The following CUBN variants were observed in gnomAD, a reference collection of about 807,000 sequenced individuals.
CUBN encodes cubilin, also known as 460 kDa receptor.
In CUBN, 282 loss-of-function variants were observed where a neutral mutation model predicts 405.3. The observed-to-expected ratio is 0.70, with a 90% confidence interval of 0.63 to 0.77. CUBN has a LOEUF of 0.77. Ranked by LOEUF, CUBN falls within the 30% of genes least tolerant of loss-of-function variation. The pLI is 0.00. For missense variants in CUBN, 4,514 were observed against 4,475.2 expected (o/e 1.01, Z -0.25); for synonymous variants, 1,684 against 1,617.0 (o/e 1.04, Z -0.99).
chr10:16,855,722 T>C (rs149583052), intron 59 of CUBN, among the ~76,000 whole-genome samples: 106 of 152,272 alleles, frequency 7.0e-4, no homozygotes, highest in African/African-American at 2.4e-3. Flanking sequence ...GTTTGAGCTA[T>C]CAAACTATAA....
intron 54 of CUBN, among the ~76,000 whole-genome samples, chr10:16,890,742 G>C (rs1310698810): frequency 6.6e-6 from 1 of 152,114 alleles, no homozygotes; most frequent in Non-Finnish European, 1.5e-5. Flanking sequence ...CTAAGGAGAT[G>C]GTGTTCCTTT....
At chr10:16,841,093 T>A in intron 60 of CUBN, 46 bp from the exon 61 acceptor site, 1 of 1,592,056 alleles carries the variant, frequency 6.3e-7, no homozygotes, top group Non-Finnish European at 8.6e-7. Flanking sequence ...TTACAAAAAA[T>A]TGCATATTTC....
At chr10:16,895,825 T>C (rs1841165081) in intron 54 of CUBN, among the ~76,000 whole-genome samples, 1 of 152,240 alleles carries the variant, frequency 6.6e-6, no homozygotes, top group South Asian at 2.1e-4. Context: ...ATGTTTTGGC[T>C]TGATAACCTG....
chr10:16,845,227 G>A (rs1237348665), intron 60 of CUBN, among the ~76,000 whole-genome samples: 1 of 152,182 alleles, frequency 6.6e-6, no homozygotes, highest in African/African-American at 2.4e-5. Flanking sequence ...AAGGGCAATA[G>A]ACTTTGATAT....
chr10:16,914,529 A>G (rs1841827053), intron 47 of CUBN, among the ~76,000 whole-genome samples: 1 of 152,128 alleles, frequency 6.6e-6, no homozygotes, highest in Non-Finnish European at 1.5e-5. Context: ...ACTGCCCTCC[A>G]GCCTGGACAA....
chr10:16,977,627 C>A (rs771339702), intron 31 of CUBN, among the ~76,000 whole-genome samples: 13 of 152,290 alleles, frequency 8.5e-5, no homozygotes, highest in Non-Finnish European at 1.8e-4. Flanking sequence ...TTCCTGGACA[C>A]CAAACAAGAA....
chr10:16,864,100 T>C (rs1236806863), intron 59 of CUBN, among the ~76,000 whole-genome samples: 1 of 152,234 alleles, frequency 6.6e-6, no homozygotes, highest in African/African-American at 2.4e-5. Context: ...TATATCTCAT[T>C]ATAAAATATG....
chr10:17,017,572 A>G (rs1352124465), intron 28 of CUBN, among the ~76,000 whole-genome samples: 1 of 152,198 alleles, frequency 6.6e-6, no homozygotes, highest in Non-Finnish European at 1.5e-5. Context: ...TTATATGAAT[A>G]GGAAGGATAC....
At chr10:16,992,850 A>G in intron 28 of CUBN, among the ~76,000 whole-genome samples, 1 of 152,248 alleles carries the variant, frequency 6.6e-6, no homozygotes, top group East Asian at 1.9e-4. Flanking sequence ...GACATTGTTT[A>G]GAGACTATGA....
intron 59 of CUBN, among the ~76,000 whole-genome samples, chr10:16,853,543 G>T (rs1297050623): frequency 6.6e-6 from 1 of 152,166 alleles, no homozygotes; most frequent in Admixed American, 6.5e-5. Context: ...TTACTTAGTA[G>T]GTCAGGCTTG....
intron 52 of CUBN, 57 bp from the exon 53 acceptor site, chr10:16,900,907 T>A: frequency 1.7e-6 from 2 of 1,144,400 alleles, no homozygotes; most frequent in Non-Finnish European, 2.6e-6. Flanking sequence ...GTTACGAAGA[T>A]AAGGCCCTTA....
At chr10:17,128,647 T>C (rs1168791546) in intron 2 of CUBN, among the ~76,000 whole-genome samples, 1 of 152,184 alleles carries the variant, frequency 6.6e-6, no homozygotes, top group East Asian at 1.9e-4. Context: ...TTCTATCTTT[T>C]AGCATACTCC....
chr10:16,841,910 CAAAA>C (rs11354893), intron 60 of CUBN, among the ~76,000 whole-genome samples: 1 of 93,716 alleles, frequency 1.1e-5, no homozygotes, highest in Non-Finnish European at 2.0e-5. Flanking sequence ...AAGACTGTCT[CAAAA>C]AAAAAAAAAA....
chr10:16,981,178 G>GACACACACACACACACACACACACAC (rs1401865880), intron 31 of CUBN, among the ~76,000 whole-genome samples: 4,762 of 145,218 alleles, frequency 0.033, 144 homozygotes, highest in Non-Finnish European at 0.05. Context: ...AGACTCAGCA[G>GACACACACACACACACACACACACAC]ACACACACAC....
chr10:17,069,907 CTTTTTTT>C (rs1396120269), intron 19 of CUBN, among the ~76,000 whole-genome samples: 1 of 151,868 alleles, frequency 6.6e-6, no homozygotes, highest in Admixed American at 6.6e-5. Context: ...TTTCTTTTTT[CTTTTTTT>C]GTTTGTACTT....
chr10:17,010,461 C>A (rs567253503), intron 28 of CUBN, among the ~76,000 whole-genome samples: 4 of 151,042 alleles, frequency 2.6e-5, no homozygotes, highest in Non-Finnish European at 4.4e-5. Context: ...GGCAACATAG[C>A]AAGACCTCAA....
intron 9 of CUBN, 150 bp from the exon 10 acceptor site, chr10:17,109,885 T>A (rs746768869): frequency 3.0e-6 from 2 of 662,908 alleles, no homozygotes; most frequent in African/African-American, 1.8e-5. Context: ...CATCAACAAA[T>A]GAAATTTCAT....
At chr10:16,940,277 G>C in intron 36 of CUBN, 40 bp from the exon 37 acceptor site, 1 of 1,559,224 alleles carries the variant, frequency 6.4e-7, no homozygotes, top group Non-Finnish European at 8.8e-7. Flanking sequence ...ATTAAATTGA[G>C]AGAATAGACT....
chr10:16,940,710 G>A (rs1842629393), intron 36 of CUBN, among the ~76,000 whole-genome samples: 1 of 152,096 alleles, frequency 6.6e-6, no homozygotes, highest in Non-Finnish European at 1.5e-5. Flanking sequence ...GAGAAGGGCG[G>A]GACATATTCA....
Sources: gnomAD v4.1 joint callset for allele counts (sites outside exome capture counted in the v4.1 genomes callset) on GRCh38, gnomAD v4.1.1 for gene constraint, MANE v1.5 for transcripts, NCBI Gene and HGNC (gene_info 2026-07-23, HGNC 2026-07-21) for gene names.